Variants in ARRB2 observed in about 807,000 individuals in gnomAD.
ARRB2 encodes the protein beta-arrestin-2.
A neutral mutation model predicts 53.4 loss-of-function variants in ARRB2; 21 were observed. The ratio of observed to expected loss-of-function variants is 0.39; its 90% CI spans 0.28 to 0.57. ARRB2 has a LOEUF of 0.57. Ranked by LOEUF, ARRB2 falls within the 20% of genes least tolerant of loss-of-function variation. The pLI is 0.55. For synonymous variants in ARRB2, 180 were observed against 212.9 expected, an observed-to-expected ratio of 0.85 and a Z score of 1.34; for missense variants, 369 against 527.5, an observed-to-expected ratio of 0.70 and a Z score of 2.94.
At chr17:4,718,743 T>C (rs370690870) in intron 10 of ARRB2, 59 bp downstream of exon 10, 84 of 1,507,794 alleles carry the variant, frequency 5.6e-5, no homozygotes, top group African/African-American at 5.3e-4. Context: ...ATCAGGAGAA[T>C]GTGAGGTGGA....
intron 2 of ARRB2, chr17:4,715,712 C>CAT: frequency 4.3e-6 from 2 of 461,250 alleles, no homozygotes; most frequent in East Asian, 3.5e-5. Context: ...CACACACACA[C>CAT]ACACACACAC....
Position 4,714,932 on chromosome 17 carries a change from G to T in ARRB2, c.24-81G>T, listed in dbSNP as rs117565830. 5.4e-3 allele frequency: 7,938 copies of T among 1,473,340 alleles called. 342 individuals are homozygous for T. The East Asian group carries it at 0.099, about 18-fold the overall frequency. 91.3% of individuals were successfully genotyped at this position (1,473,340 alleles called of 1,614,324 possible). Reference sequence around the variant, plus strand: ...GGCCTGGGTGAGCACTGCTTCTCAGGCCTGGGAGGGAGAGGGTCCTGGTGT... The same window carrying T: ...GGCCTGGGTGAGCACTGCTTCTCAGTCCTGGGAGGGAGAGGGTCCTGGTGT... On this transcript the variant is annotated intron_variant, in intron 1 of 14. Coordinates refer to ENST00000269260, the MANE Select transcript of ARRB2 (RefSeq NM_004313.4).
rs1396079437 is a variant in ARRB2, at chr17:4,717,074, T to C, written c.358-143T>C. 8 of 936,412 alleles carry C rather than the reference T, an allele frequency of 8.5e-6. No homozygotes were observed. Among genetic ancestry groups the C allele is most frequent in the Admixed American group, 1.8e-5 (1 of 54,376 alleles). 58.0% of individuals were successfully genotyped at this position (936,412 alleles called of 1,614,324 possible). On this transcript the variant is annotated intron_variant, in intron 5 of 14. Transcript: ENST00000269260. This position sits in a 1 kb window ranked among gnomAD's most constrained non-coding sequence, Gnocchi z 6.0. ...GTCTGGAACCCCTGACCTCAGGTGA[T>C]CCGCCCACCTTAGCCTTCCAAAGTG...
chr17:4,715,162 C>A, intron 2 of ARRB2, 119 bp downstream of exon 2: 1 of 1,182,896 alleles, frequency 8.5e-7, no homozygotes, highest in Non-Finnish European at 1.2e-6. Context: ...TCCCCACTTC[C>A]TGTGACAGCT....
intron 2 of ARRB2, chr17:4,715,756 G>A (rs1164319031): frequency 5.1e-6 from 3 of 591,556 alleles, no homozygotes; most frequent in Admixed American, 5.9e-5. Context: ...GTGGGCAGAG[G>A]TGTGCAGAGA....
chr17:4,714,904 G>A, intron 1 of ARRB2, 109 bp from the exon 2 acceptor site: 2 of 1,154,722 alleles, frequency 1.7e-6, no homozygotes, highest in Non-Finnish European at 2.4e-6. Flanking sequence ...GCCTCAGGCA[G>A]GAGGCCTGGG....
intron 11 of ARRB2, 29 bp downstream of exon 11, chr17:4,719,449 G>A (rs1012857244): frequency 1.2e-6 from 2 of 1,610,210 alleles, no homozygotes; most frequent in African/African-American, 2.7e-5. Context: ...CGGGTCCCCT[G>A]CAGGCCAGGG....
intron 10 of ARRB2, among the ~76,000 whole-genome samples, 159 bp downstream of exon 10, chr17:4,718,843 G>A (rs1041592974): frequency 6.6e-6 from 1 of 151,452 alleles, no homozygotes; most frequent in Admixed American, 6.6e-5. Context: ...GTGCAATGGG[G>A]CAACCTCTGC....
In ARRB2 at chr17:4,720,212, G is replaced by A. The variant is rs767970797; in HGVS notation, c.918-4G>A. On this transcript the variant is annotated splice_region_variant and splice_polypyrimidine_tract_variant and intron_variant, in intron 11 of 14. Coordinates refer to ENST00000269260, the MANE Select transcript of ARRB2 (RefSeq NM_004313.4). Reference sequence around the variant, plus strand: ...TGGTCTGACTCCAACACCCTCAATTGCAGCGTGAAGGAGGGTGCCAACAAG... The same window carrying A: ...TGGTCTGACTCCAACACCCTCAATTACAGCGTGAAGGAGGGTGCCAACAAG... The A allele has an allele frequency of 1.9e-6, 3 of 1,610,676 alleles. No individual in the cohort carries two copies. Among genetic ancestry groups the A allele is most frequent in the Non-Finnish European group, 2.5e-6 (3 of 1,178,384 alleles).
At chr17:4,711,469 G>T (rs1020531191) in intron 1 of ARRB2, among the ~76,000 whole-genome samples, 1 of 152,106 alleles carries the variant, frequency 6.6e-6, no homozygotes, top group African/African-American at 2.4e-5. Flanking sequence ...CACCCCCAAG[G>T]GGCAAGGGGT....
intron 1 of ARRB2, 22 bp downstream of exon 1, chr17:4,710,766 G>A (rs1165695142): frequency 1.3e-5 from 5 of 398,668 alleles, no homozygotes; most frequent in Non-Finnish European, 2.2e-5. Flanking sequence ...GGGGCCACGC[G>A]GCGGGGCATG....
Position 4,717,800 on chromosome 17 carries a change from C to T in ARRB2, c.485+48C>T, listed in dbSNP as rs113104031. On this transcript the variant is annotated intron_variant, in intron 7 of 14. Coordinates refer to ENST00000269260, the MANE Select transcript of ARRB2 (RefSeq NM_004313.4). The surrounding 1 kb of genome is among the most constrained non-coding windows in gnomAD (Gnocchi z 6.0). ...TGGTGTAAGAGGAGGCTTTCCTCCCCGCTTCCAGGAGCCCAGGCCCCGTGC... is the reference window on the plus strand; with the variant it reads ...TGGTGTAAGAGGAGGCTTTCCTCCCTGCTTCCAGGAGCCCAGGCCCCGTGC... 2.8e-4 allele frequency: 443 copies of T among 1,601,954 alleles called. 2 individuals are homozygous for T. The highest frequency in any genetic ancestry group is 2.0e-3 in the Middle Eastern group (12 of 6,054).
chr17:4,715,707 AC>A (rs1914943319), intron 2 of ARRB2: 5 of 448,166 alleles, frequency 1.1e-5, no homozygotes, highest in African/African-American at 1.1e-4. Context: ...ACACACACAC[AC>A]ACACACACAC....
intron 10 of ARRB2, 54 bp downstream of exon 10, chr17:4,718,738 G>T: frequency 1.3e-6 from 2 of 1,523,190 alleles, no homozygotes; most frequent in South Asian, 2.3e-5. Flanking sequence ...GCAGGATCAG[G>T]AGAATGTGAG....
chr17:4,713,222 C>T (rs1260799642), intron 1 of ARRB2, among the ~76,000 whole-genome samples: 1 of 152,054 alleles, frequency 6.6e-6, no homozygotes, highest in African/African-American at 2.4e-5. Context: ...AGGCCAGACA[C>T]AGTGACTCAA....
At position 4,717,517 on chromosome 17, in the gene ARRB2, C is replaced by T; in HGVS notation, c.418-168C>T. On this transcript the variant is annotated intron_variant, in intron 6 of 14. Transcript: ENST00000269260. The surrounding 1 kb of genome is among the most constrained non-coding windows in gnomAD (Gnocchi z 6.0). ...CTCCCCTTGCACTACCATGACCAAG[C>T]CTCTGCCAGGTTCTGGGCTTTGGAG... The T allele has an allele frequency of 1.0e-6, 1 of 993,262 alleles. No individual in the cohort carries two copies. The highest frequency in any genetic ancestry group is 1.5e-6 in the Non-Finnish European group (1 of 664,018). 61.5% of individuals were successfully genotyped at this position (993,262 alleles called of 1,614,324 possible).
Position 4,717,365 on chromosome 17 carries a change from C to A in ARRB2, c.417+89C>A. 2.0e-6 allele frequency: 3 copies of A among 1,504,284 alleles called. No homozygotes were observed. Among genetic ancestry groups the A allele is most frequent in the South Asian group, 2.3e-5 (2 of 88,782 alleles). The allele number at this position is 1,504,284 out of a possible 1,614,324, so 93.2% of individuals were successfully genotyped here. A position where few individuals can be genotyped will look rare whatever the true frequency, so the allele number is the denominator to read the frequency against. On this transcript the variant is annotated intron_variant, in intron 6 of 14. Coordinates refer to ENST00000269260, the MANE Select transcript of ARRB2 (RefSeq NM_004313.4). This position sits in a 1 kb window ranked among gnomAD's most constrained non-coding sequence, Gnocchi z 6.0. The stretch of plus-strand genomic sequence containing the variant: ...ACAGCTGAGCCAGAGGGTGAACTGT[C>A]GAGATGCCAGGGTGGGGCCGAGGGT...
chr17:4,714,352 T>C (rs1914733838), intron 1 of ARRB2, among the ~76,000 whole-genome samples: 1 of 152,130 alleles, frequency 6.6e-6, no homozygotes, highest in South Asian at 2.1e-4. Flanking sequence ...GTAGAAACTA[T>C]CTGAGGGCCA....
intron 1 of ARRB2, among the ~76,000 whole-genome samples, chr17:4,713,250 T>C (rs1212338621): frequency 2.6e-5 from 4 of 152,136 alleles, no homozygotes; most frequent in African/African-American, 4.8e-5. Context: ...ATCCCAGCCT[T>C]CTGGGAGGCT....
Sources: allele counts gnomAD v4.1 joint callset (sites outside exome capture counted in the v4.1 genomes callset), GRCh38; gene constraint gnomAD v4.1.1; non-coding constraint Gnocchi (gnomAD v3.1); transcripts MANE v1.5; gene names NCBI Gene and HGNC (gene_info 2026-07-23, HGNC 2026-07-21).